Variants in EIF2AK4 observed in about 807,000 individuals in gnomAD.
EIF2AK4 encodes the protein eIF-2-alpha kinase GCN2.
Under a neutral mutation model 211.1 loss-of-function variants are expected in EIF2AK4, and 139 were observed. The ratio of observed to expected loss-of-function variants is 0.66; its 90% CI spans 0.57 to 0.76. EIF2AK4 has a LOEUF of 0.76. EIF2AK4 is among the 30% of genes least tolerant of loss of function. The pLI, the probability that EIF2AK4 is intolerant of heterozygous loss-of-function variation, is 0.00. For missense variants in EIF2AK4, 1,664 were observed against 2,043.8 expected (o/e 0.81, Z 3.58); for synonymous variants, 710 against 751.3 (o/e 0.94, Z 0.90).
chr15:40,033,684 T>C (rs1318062142), intron 37 of EIF2AK4, among the ~76,000 whole-genome samples: 1 of 152,252 alleles, frequency 6.6e-6, no homozygotes, highest in Non-Finnish European at 1.5e-5. Context: ...TACTGATTTA[T>C]GATCCAGTCA....
chr15:39,954,566 T>C (rs1465785523), intron 5 of EIF2AK4, among the ~76,000 whole-genome samples: 3 of 152,216 alleles, frequency 2.0e-5, no homozygotes, highest in Non-Finnish European at 2.9e-5. Context: ...GAATTCTTAA[T>C]ACTTGGAAAA....
In EIF2AK4 at chr15:40,019,332, T is replaced by C. The variant is rs2035352426; in HGVS notation, c.4173+132T>C. The C allele has an allele frequency of 4.8e-6, 3 of 620,326 alleles. No individual in the cohort carries two copies. In the South Asian group the frequency reaches 6.9e-5, roughly 14 times the overall value. The allele number at this position is 620,326 out of a possible 1,614,324, so 38.4% of individuals were successfully genotyped here. On this transcript the variant is annotated intron_variant, in intron 30 of 38. Transcript: ENST00000263791. The stretch of plus-strand genomic sequence containing the variant: ...TAGACGTAGGGTTTTGAAACTTACC[T>C]TTAATATGATAGACAAGCCTAAGAC...
Position 39,988,037 on chromosome 15 carries a change from C to G in EIF2AK4, c.2458C>G (p.Arg820Gly), listed in dbSNP as rs774163084. 1.6e-5 allele frequency: 26 copies of G among 1,614,066 alleles called. No individual in the cohort carries two copies. The South Asian group carries it at 2.4e-4, about 15-fold the overall frequency. ...AGACACCATTGACCAGGGACTGTAT[C>G]GAGACACCGTCAGACTCTGGAGGCT... ...LRDTIDQGLY[R>G]DTVRLWRLFR... The change falls in exon 15 of 39, where the codon CGA becomes GGA. Residue 820 changes from arginine to glycine, a missense_variant. Physicochemically the swap from Arg to Gly is moderately radical, Grantham distance 125. Coordinates refer to ENST00000263791, the MANE Select transcript of EIF2AK4 (RefSeq NM_001013703.4).
chr15:40,029,655 A>G (rs2035512301), intron 34 of EIF2AK4, among the ~76,000 whole-genome samples, 191 bp downstream of exon 34: 1 of 152,232 alleles, frequency 6.6e-6, no homozygotes, highest in Admixed American at 6.5e-5. Context: ...AACAACTGGA[A>G]TTTAGCTGAC....
rs1193129637 is a variant in EIF2AK4 at position 40,032,200 on chromosome 15, A to G, written c.4691A>G (p.Asn1564Ser). The stretch of plus-strand genomic sequence containing the variant: ...ACTCGACTTCAGACCTCCCTTGCCA[A>G]CTTACATCAGAAAAGCAGTGAAATT... Reference protein sequence around the residue: ...VQTRLQTSLANLHQKSSEIEI... With the variant: ...VQTRLQTSLASLHQKSSEIEI... The change falls in exon 36 of 39, where the codon AAC becomes AGC. Residue 1564 changes from asparagine to serine, a missense_variant. Physicochemically the swap from Asn to Ser is conservative, Grantham distance 46. Transcript: ENST00000263791. 2 of 1,614,204 alleles carry G rather than the reference A, an allele frequency of 1.2e-6. No homozygotes were observed. Among genetic ancestry groups the G allele is most frequent in the Admixed American group, 1.7e-5 (1 of 60,028 alleles).
At chr15:39,985,102 G>A (rs866952336) in intron 13 of EIF2AK4, among the ~76,000 whole-genome samples, 4 of 152,288 alleles carry the variant, frequency 2.6e-5, no homozygotes, top group Middle Eastern at 3.4e-3. Flanking sequence ...TGCATCTATT[G>A]AGATAATCAT....
At chr15:39,968,018 C>T (rs1056944764) in intron 9 of EIF2AK4, 139 bp downstream of exon 9, 1 of 826,238 alleles carries the variant, frequency 1.2e-6, no homozygotes, top group African/African-American at 1.7e-5. Context: ...CAATCCTGTC[C>T]TAGTCTCATA....
At chr15:39,987,889 C>T (rs775671422) in intron 14 of EIF2AK4, 94 bp from the exon 15 acceptor site, 9 of 1,422,080 alleles carry the variant, frequency 6.3e-6, no homozygotes, top group South Asian at 5.3e-5. Context: ...ACCCATGGTA[C>T]ACGTTTTAAA....
chr15:40,016,284 C>G (rs1447615188), intron 27 of EIF2AK4, among the ~76,000 whole-genome samples: 17 of 152,180 alleles, frequency 1.1e-4, no homozygotes. Flanking sequence ...AAAAGTGAAC[C>G]ATGAGTATGT....
chr15:39,941,580 A>T (rs1452413480), intron 2 of EIF2AK4, among the ~76,000 whole-genome samples: 3 of 152,240 alleles, frequency 2.0e-5, no homozygotes, highest in Non-Finnish European at 4.4e-5. Context: ...ATAATGTTAT[A>T]TAAGTGCTAA....
chr15:39,944,539 C>T (rs2034198106), intron 3 of EIF2AK4, among the ~76,000 whole-genome samples: 1 of 151,208 alleles, frequency 6.6e-6, no homozygotes, highest in Admixed American at 6.6e-5. Context: ...TCGCGCCATT[C>T]TCCTGCCTCA....
intron 12 of EIF2AK4, chr15:39,977,144 C>CAAAA (rs1555417781): frequency 9.5e-6 from 3 of 315,218 alleles, no homozygotes; most frequent in Non-Finnish European, 1.7e-5. Context: ...AAAACAAAAA[C>CAAAA]AAAAACAAAA....
chr15:39,956,225 C>A (rs979216588), intron 6 of EIF2AK4, among the ~76,000 whole-genome samples: 1 of 151,922 alleles, frequency 6.6e-6, no homozygotes, highest in South Asian at 2.1e-4. Flanking sequence ...AGGCTGGTCT[C>A]GAACTCCTGA....
chr15:40,022,741 CT>C (rs1281852447), intron 32 of EIF2AK4, 136 bp downstream of exon 32: 46,044 of 490,220 alleles, frequency 0.094, 9 homozygotes, highest in South Asian at 0.14. Flanking sequence ...TGTTGGGTTT[CT>C]TTTTTTTTTT....
At chr15:39,985,633 C>G (rs1436250309) in intron 13 of EIF2AK4, among the ~76,000 whole-genome samples, 172 bp from the exon 14 acceptor site, 1 of 152,180 alleles carries the variant, frequency 6.6e-6, no homozygotes, top group Non-Finnish European at 1.5e-5. Context: ...CCAGGATTCA[C>G]AGCCAAATGC....
chr15:39,990,251 T>C (rs1566996354), intron 15 of EIF2AK4, 22 bp from the exon 16 acceptor site: 2 of 1,608,894 alleles, frequency 1.2e-6, no homozygotes. Flanking sequence ...CCATTGTTTG[T>C]TTCTTCACTC....
At chr15:40,027,560 A>G (rs979766975) in intron 33 of EIF2AK4, among the ~76,000 whole-genome samples, 3 of 151,702 alleles carry the variant, frequency 2.0e-5, no homozygotes, top group African/African-American at 7.3e-5. Context: ...GAGTTCATTG[A>G]CATGGAAAGA....
At chr15:39,982,898 G>T (rs1440933651) in intron 13 of EIF2AK4, among the ~76,000 whole-genome samples, 1 of 152,162 alleles carries the variant, frequency 6.6e-6, no homozygotes, top group Non-Finnish European at 1.5e-5. Flanking sequence ...TGGCTGCATA[G>T]TATTCTATAG....
At chr15:40,025,071 A>C (rs2035448472) in intron 32 of EIF2AK4, among the ~76,000 whole-genome samples, 1 of 152,062 alleles carries the variant, frequency 6.6e-6, no homozygotes, top group South Asian at 2.1e-4. Flanking sequence ...TACCCTCAAG[A>C]ATTCGTGGTC....
Sources: allele counts gnomAD v4.1 joint callset (sites outside exome capture counted in the v4.1 genomes callset), GRCh38; gene constraint gnomAD v4.1.1; transcripts MANE v1.5; gene names NCBI Gene and HGNC (gene_info 2026-07-23, HGNC 2026-07-21).